Variants in JAKMIP3 observed in about 807,000 individuals in gnomAD.
The protein encoded by JAKMIP3 is janus kinase and microtubule-interacting protein 3.
JAKMIP3 carries 58 observed loss-of-function variants against 118.5 expected under a neutral mutation model. That is an observed-to-expected ratio of 0.49 (90% CI 0.40 to 0.61). The LOEUF is 0.61. Among genes scored for constraint, JAKMIP3 ranks in the 20% least tolerant of loss-of-function variants. The pLI is 0.00. For missense variants in JAKMIP3, 950 were observed against 1,109.0 expected (o/e 0.86, Z 2.04); for synonymous variants, 486 against 451.2 (o/e 1.08, Z -0.98).
intron 8 of JAKMIP3, among the ~76,000 whole-genome samples, chr10:132,137,778 G>A (rs907547342): frequency 2.0e-5 from 3 of 152,236 alleles, no homozygotes; most frequent in Admixed American, 6.5e-5. Context: ...GTCCGGAGGG[G>A]CCCTGGCCAT....
At chr10:132,059,961 T>A (rs2038347553), upstream of JAKMIP3, among the ~76,000 whole-genome samples, 2 of 152,196 alleles carry the variant, frequency 1.3e-5, no homozygotes, top group Non-Finnish European at 2.9e-5. Context: ...CAGCCACAGC[T>A]GCTGGGTTGG....
intron 13 of JAKMIP3, 85 bp downstream of exon 13, chr10:132,145,665 G>A: frequency 8.5e-7 from 1 of 1,171,570 alleles, no homozygotes. Context: ...CTGAAGGATG[G>A]AGCGAGGGCT....
chr10:132,097,312 C>T (rs965234705), intron 1 of JAKMIP3, among the ~76,000 whole-genome samples: 8 of 152,134 alleles, frequency 5.3e-5, no homozygotes, highest in African/African-American at 9.7e-5. Context: ...GGTCACTCTG[C>T]GGCGAGAAGG....
chr10:132,148,799 G>A (rs1026776591), intron 14 of JAKMIP3, among the ~76,000 whole-genome samples: 2 of 152,222 alleles, frequency 1.3e-5, no homozygotes, highest in Admixed American at 1.3e-4. Flanking sequence ...TCCACCTGTG[G>A]GGCTGGGAGG....
chr10:132,135,036 T>G lies in JAKMIP3; in HGVS notation c.850-5T>G. On this transcript the variant is annotated splice_polypyrimidine_tract_variant and splice_region_variant and intron_variant, in intron 4 of 23. Coordinates refer to ENST00000684848, the MANE Select transcript of JAKMIP3 (RefSeq NM_001323087.2). ...ACCGTTATTTGCAGTTGATTTTTGTTTTAGGAACAGCAGTTGGATGAAAAA... is the reference window on the plus strand; with the variant it reads ...ACCGTTATTTGCAGTTGATTTTTGTGTTAGGAACAGCAGTTGGATGAAAAA... The G allele has an allele frequency of 6.2e-7, 1 of 1,612,672 alleles. No homozygotes were observed. Among genetic ancestry groups the G allele is most frequent in the South Asian group, 1.1e-5 (1 of 91,056 alleles).
intron 11 of JAKMIP3, 51 bp from the exon 12 acceptor site, chr10:132,145,056 C>G: frequency 2.7e-6 from 4 of 1,497,126 alleles, no homozygotes; most frequent in Non-Finnish European, 3.7e-6. Context: ...TGTGTGCTGT[C>G]TGTCCCAGCT....
At position 132,129,315 on chromosome 10, in the gene JAKMIP3, G is replaced by A. The variant is rs541983671; in HGVS notation, c.634-3997G>A. Among the ~76,000 whole-genome samples, 8 of 152,176 alleles carry A rather than the reference G, an allele frequency of 5.3e-5. No individual in the cohort carries two copies. The East Asian group carries it at 1.4e-3, about 26-fold the overall frequency. Reference sequence around the variant, plus strand: ...GTCTGGGCTTGAATTGCAGTGTCTCGACAGCCATGTGCAGCCACTTACATT... The same window carrying A: ...GTCTGGGCTTGAATTGCAGTGTCTCAACAGCCATGTGCAGCCACTTACATT... On this transcript the variant is annotated intron_variant, in intron 3 of 23. Transcript: ENST00000684848.
At chr10:132,176,367 C>T (rs1011525803) in intron 23 of JAKMIP3, among the ~76,000 whole-genome samples, 1 of 152,204 alleles carries the variant, frequency 6.6e-6, no homozygotes, top group Non-Finnish European at 1.5e-5. Context: ...CAGCATCGTC[C>T]TCGTGTTTCT....
chr10:132,097,751 GTTTTTTT>G (rs71010000), intron 1 of JAKMIP3, among the ~76,000 whole-genome samples: 4 of 147,016 alleles, frequency 2.7e-5, no homozygotes, highest in African/African-American at 7.5e-5. Flanking sequence ...CAAACTAAAA[GTTTTTTT>G]TTTTTTTTTA....
chr10:132,140,431 C>G lies in JAKMIP3; in HGVS notation c.1345-20C>G. 1 of 1,613,278 alleles carries G rather than the reference C, an allele frequency of 6.2e-7. No homozygotes were observed. The highest frequency in any genetic ancestry group is 1.1e-5 in the South Asian group (1 of 91,078). ...TGCCTGGGTCTGGTTTGAACTGACA[C>G]GTCGCATTTTGGTCACAAGCCGGTG... On this transcript the variant is annotated intron_variant, in intron 9 of 23. Coordinates refer to ENST00000684848, the MANE Select transcript of JAKMIP3 (RefSeq NM_001323087.2).
At chr10:132,111,566 A>G (rs952069930) in intron 2 of JAKMIP3, among the ~76,000 whole-genome samples, 1 of 151,712 alleles carries the variant, frequency 6.6e-6, no homozygotes, top group Admixed American at 6.6e-5. Context: ...GGGCCTAGTA[A>G]CCTATAGTCT....
chr10:132,128,880 C>G (rs1483209681), intron 3 of JAKMIP3, among the ~76,000 whole-genome samples: 1 of 152,154 alleles, frequency 6.6e-6, no homozygotes, highest in Non-Finnish European at 1.5e-5. Context: ...CGGCTTACTT[C>G]AATATCCTCA....
intron 1 of JAKMIP3, among the ~76,000 whole-genome samples, chr10:132,104,308 T>C (rs1385023644): frequency 6.6e-6 from 1 of 152,204 alleles, no homozygotes; most frequent in Non-Finnish European, 1.5e-5. Context: ...TCGTGGTTTA[T>C]ATGTGCCATT....
intron 2 of JAKMIP3, among the ~76,000 whole-genome samples, chr10:132,106,962 C>T (rs941662998): frequency 6.6e-6 from 1 of 152,166 alleles, no homozygotes; most frequent in Non-Finnish European, 1.5e-5. Flanking sequence ...CAGCTCACTA[C>T]AGCCTCGACC....
At chr10:132,063,208 G>A (rs1160096327), upstream of JAKMIP3, among the ~76,000 whole-genome samples, 1 of 152,190 alleles carries the variant, frequency 6.6e-6, no homozygotes, top group Non-Finnish European at 1.5e-5. Flanking sequence ...CTTGGGCCTC[G>A]TGGTGCCTGG....
chr10:132,072,022 G>T (rs975717166), intron 1 of JAKMIP3, among the ~76,000 whole-genome samples: 1 of 151,216 alleles, frequency 6.6e-6, no homozygotes, highest in African/African-American at 2.4e-5. Context: ...CACGATCTCG[G>T]CTCACTGCAA....
chr10:132,184,525 AGC>A lies in JAKMIP3; in HGVS notation c.*3273_*3274del, dbSNP rs1474498298. 5 of 152,200 alleles carry A rather than the reference AGC, an allele frequency of 3.3e-5. No homozygotes were observed. Among genetic ancestry groups the A allele is most frequent in the Non-Finnish European group, 7.3e-5 (5 of 68,044 alleles). The allele number at this position is 152,200 out of a possible 1,614,324, so 9.4% of individuals were successfully genotyped here. ...TTTGTTTACTGTATATTTTTTAAAA[AGC>A]TTTATTGTAAATTTATGCAAAAACT... On this transcript the variant is annotated 3_prime_UTR_variant, in exon 24 of 24. Coordinates refer to ENST00000684848, the MANE Select transcript of JAKMIP3 (RefSeq NM_001323087.2).
Position 132,118,202 on chromosome 10 carries a change from T to C in JAKMIP3, c.633+628T>C, listed in dbSNP as rs905008933. Reference sequence around the variant, plus strand: ...TTTTGTGGATCAATGAGGTCTAACGTTGGCATCTGGTGCAGCCTAATAGCT... The same window carrying C: ...TTTTGTGGATCAATGAGGTCTAACGCTGGCATCTGGTGCAGCCTAATAGCT... On this transcript the variant is annotated intron_variant, in intron 3 of 23. Coordinates refer to ENST00000684848, the MANE Select transcript of JAKMIP3 (RefSeq NM_001323087.2). This position sits in a 1 kb window ranked among gnomAD's most constrained non-coding sequence, Gnocchi z 4.8. Among the ~76,000 whole-genome samples, 2 of 152,184 alleles carry C rather than the reference T, an allele frequency of 1.3e-5. No homozygotes were observed. The highest frequency in any genetic ancestry group is 6.5e-5 in the Admixed American group (1 of 15,292).
rs548028303 is a variant in JAKMIP3 at position 132,183,284 on chromosome 10, C to T, written c.*2031C>T. 1 of 152,250 alleles carries T rather than the reference C, an allele frequency of 6.6e-6. No homozygotes were observed. Among genetic ancestry groups the T allele is most frequent in the Non-Finnish European group, 1.5e-5 (1 of 68,048 alleles). The allele number at this position is 152,250 out of a possible 1,614,324, so 9.4% of individuals were successfully genotyped here. Reference sequence around the variant, plus strand: ...TGGCTCCCTGCCAGCCTGGCCTCCTCCTCTGGGAGAGCTCCTGGCATGGTC... The same window carrying T: ...TGGCTCCCTGCCAGCCTGGCCTCCTTCTCTGGGAGAGCTCCTGGCATGGTC... On this transcript the variant is annotated 3_prime_UTR_variant, in exon 24 of 24. Transcript: ENST00000684848.
Sources: gnomAD v4.1 joint callset for allele counts (sites outside exome capture counted in the v4.1 genomes callset) on GRCh38, gnomAD v4.1.1 for gene constraint, Gnocchi (gnomAD v3.1) non-coding constraint, MANE v1.5 for transcripts, NCBI Gene and HGNC (gene_info 2026-07-23, HGNC 2026-07-21) for gene names.